ARHGEF19: variants seen among roughly 807,000 people sequenced by gnomAD.
ARHGEF19 encodes the protein Rho guanine nucleotide exchange factor 19.
ARHGEF19 carries 92 observed loss-of-function variants against 87.6 expected under a neutral mutation model. The observed-to-expected ratio is 1.05, with a 90% CI of 0.89 to 1.25. The LOEUF is 1.25. ARHGEF19 is among the 50% of genes most tolerant of loss of function. The pLI, the probability that ARHGEF19 is intolerant of heterozygous loss-of-function variation, is 0.00. For missense variants in ARHGEF19, 1,054 were observed against 1,051.8 expected, an observed-to-expected ratio of 1.00 and a Z score of -0.03; for synonymous variants, 438 against 446.2, an observed-to-expected ratio of 0.98 and a Z score of 0.23.
Position 16,205,481 on chromosome 1 carries a change from G to C in ARHGEF19, c.1582-56C>G. On this transcript the variant is annotated intron_variant, in intron 9 of 15. Coordinates refer to ENST00000270747, the MANE Select transcript of ARHGEF19 (RefSeq NM_153213.5). The surrounding 1 kb of genome is among the most constrained non-coding windows in gnomAD (Gnocchi z 5.8). ...TCCTCATACTCCCGAGACCCGGCCCGCCCACAGGTGTATCTCCCTCGCCCA... is the reference window on the plus strand; with the variant it reads ...TCCTCATACTCCCGAGACCCGGCCCCCCCACAGGTGTATCTCCCTCGCCCA... 1.2e-6 allele frequency: 2 copies of C among 1,612,326 alleles called. No homozygotes were observed. Among genetic ancestry groups the C allele is most frequent in the South Asian group, 1.1e-5 (1 of 90,996 alleles).
In ARHGEF19 at chr1:16,207,662, C is replaced by T. The variant is rs981792580; in HGVS notation, c.797+13G>A. ...ACCCTGTCTCGGACCCAAGCCCAAACGGGAGGTGGTACCTGGGCTCGGACC... is the reference window on the plus strand; with the variant it reads ...ACCCTGTCTCGGACCCAAGCCCAAATGGGAGGTGGTACCTGGGCTCGGACC... On this transcript the variant is annotated intron_variant, in intron 4 of 15. Transcript: ENST00000270747. This position sits in a 1 kb window ranked among gnomAD's most constrained non-coding sequence, Gnocchi z 4.0. 1.7e-5 allele frequency: 28 copies of T among 1,613,962 alleles called. No individual in the cohort carries two copies. The East Asian group carries it at 3.1e-4, about 18-fold the overall frequency.
In ARHGEF19 at chr1:16,207,969, C is replaced by A. The variant is rs1243752891; in HGVS notation, c.669G>T (p.Gly223=). The A allele has an allele frequency of 6.2e-7, 1 of 1,611,292 alleles. No homozygotes were observed. Among genetic ancestry groups the A allele is most frequent in the Non-Finnish European group, 8.5e-7 (1 of 1,179,630 alleles). Residue 223 remains glycine (G), a synonymous_variant, in exon 3 of 16, where the codon GGG becomes GGT. Coordinates refer to ENST00000270747, the MANE Select transcript of ARHGEF19 (RefSeq NM_153213.5). This position sits in a 1 kb window ranked among gnomAD's most constrained non-coding sequence, Gnocchi z 4.0. The stretch of plus-strand genomic sequence containing the variant: ...CTTCCCGGGCTGCTCCGGTGCCTGA[C>A]CCAGAGATGAGTGCCCGGGCTGCTG... The part of the protein sequence containing the change: ...RNSAARALIS[G]SGTGAAREGK...
Position 16,206,802 on chromosome 1 carries a change from T to G in ARHGEF19, c.1137+146A>C. On this transcript the variant is annotated intron_variant, in intron 6 of 15. Transcript: ENST00000270747. This position sits in a 1 kb window ranked among gnomAD's most constrained non-coding sequence, Gnocchi z 4.6. ...TTCCAGACGGCCTCGTGTAGTCAGG[T>G]CCTAGAGCCAACCTTCCGCGCGGAC... is the stretch of plus-strand genomic sequence containing the variant. 9.3e-7 allele frequency: 1 copy of G among 1,076,426 alleles called. No homozygotes were observed. The allele number at this position is 1,076,426 out of a possible 1,614,324, so 66.7% of individuals were successfully genotyped here.
At position 16,205,991 on chromosome 1, in the gene ARHGEF19, C is replaced by G; in HGVS notation, c.1391G>C (p.Arg464Thr). 2 of 1,610,680 alleles carry G rather than the reference C, an allele frequency of 1.2e-6. No homozygotes were observed. Among genetic ancestry groups the G allele is most frequent in the Non-Finnish European group, 1.7e-6 (2 of 1,178,578 alleles). ...VVLDHCPAFR[R>T]VYLPYVTNQA... The stretch of plus-strand genomic sequence containing the variant: ...GTTGGTGACATAGGGCAGGTAGACT[C>G]TGCGGAAGGCCGGGCAGTGGTCCAG... Residue 464 changes from arginine to threonine, a missense_variant, in exon 8 of 16, where the codon AGA (arginine) becomes ACA (threonine). Coordinates refer to ENST00000270747, the MANE Select transcript of ARHGEF19 (RefSeq NM_153213.5). This position sits in a 1 kb window ranked among gnomAD's most constrained non-coding sequence, Gnocchi z 5.8.
At position 16,207,044 on chromosome 1, in the gene ARHGEF19, C is replaced by A. The variant is rs1438970923; in HGVS notation, c.1041G>T (p.Ala347=). 6.0e-6 allele frequency: 9 copies of A among 1,509,176 alleles called. No homozygotes were observed. Among genetic ancestry groups the A allele is most frequent in the Non-Finnish European group, 8.0e-6 (9 of 1,131,706 alleles). 93.5% of individuals were successfully genotyped at this position (1,509,176 alleles called of 1,614,324 possible). A position where few individuals can be genotyped will look rare whatever the true frequency, so the allele number is the denominator to read the frequency against. Residue 347 remains alanine, a synonymous_variant, in exon 6 of 16, where the codon GCG becomes GCT. Coordinates refer to ENST00000270747, the MANE Select transcript of ARHGEF19 (RefSeq NM_153213.5). The surrounding 1 kb of genome is among the most constrained non-coding windows in gnomAD (Gnocchi z 4.0). The stretch of plus-strand genomic sequence containing the variant: ...GCCACAGCGAGAAGGTGGAGCCTCG[C>A]GCCGAGCGCTGCGCCCGGAAGGAGC... ...PSSSFRAQRS[A]RGSTFSLWQD...
In ARHGEF19 at chr1:16,208,105, A is replaced by C; in HGVS notation, c.533T>G (p.Val178Gly). ...CACTCGGGTGGACCCAGACAACTCC[A>C]CCCTGGGCTCCTCTGTGCTCAGGGC... is the stretch of plus-strand genomic sequence containing the variant. Reference protein sequence around the residue: ...EQALSTEEPRVELSGSTRVSL... With the variant: ...EQALSTEEPRGELSGSTRVSL... The change falls in exon 3 of 16, where the codon GTG (valine) becomes GGG (glycine). Residue 178 changes from valine (V) to glycine (G), a missense_variant. Val to Gly is a moderately radical substitution (Grantham distance 109, BLOSUM62 -3). Transcript: ENST00000270747. The C allele has an allele frequency of 6.2e-7, 1 of 1,613,812 alleles. No individual in the cohort carries two copies. The highest frequency in any genetic ancestry group is 8.5e-7 in the Non-Finnish European group (1 of 1,179,972).
rs765440908 is a variant in ARHGEF19 at position 16,206,155 on chromosome 1, G to A, written c.1298+25C>T. On this transcript the variant is annotated intron_variant, in intron 7 of 15. Coordinates refer to ENST00000270747, the MANE Select transcript of ARHGEF19 (RefSeq NM_153213.5). This position sits in a 1 kb window ranked among gnomAD's most constrained non-coding sequence, Gnocchi z 4.6. ...CAACCACTGGCTCCGTCCCCACCCC[G>A]GGCCAGGCCAGACCACTTCTTCACC... is the stretch of plus-strand genomic sequence containing the variant. The A allele has an allele frequency of 3.1e-6, 5 of 1,587,802 alleles. No homozygotes were observed. Among genetic ancestry groups the A allele is most frequent in the Middle Eastern group, 1.7e-4 (1 of 5,974 alleles).
At position 16,208,186 on chromosome 1, in the gene ARHGEF19, C is replaced by A; in HGVS notation, c.452G>T (p.Gly151Val). Residue 151 changes from glycine to valine, a missense_variant, in exon 3 of 16, where the codon GGC becomes GTC. Physicochemically the swap from Gly to Val is moderately radical, Grantham distance 109 (BLOSUM62 -3). Coordinates refer to ENST00000270747, the MANE Select transcript of ARHGEF19 (RefSeq NM_153213.5). ...GAAGACAGCGTGGGCCTCGGGGCAG[C>A]CGGGGACCTCTTCACGCTGGTACAC... is the stretch of plus-strand genomic sequence containing the variant. ...MRVYQREEVP[G>V]CPEAHAVFLE... is the part of the protein sequence containing the mutation. 1.2e-6 allele frequency: 2 copies of A among 1,613,312 alleles called. No homozygotes were observed. The highest frequency in any genetic ancestry group is 1.7e-6 in the Non-Finnish European group (2 of 1,179,626).
At chr1:16,200,357 C>A (rs569617829) in intron 14 of ARHGEF19, among the ~76,000 whole-genome samples, 1 of 152,374 alleles carries the variant, frequency 6.6e-6, no homozygotes, top group East Asian at 1.9e-4. Flanking sequence ...GCCCCTAGCC[C>A]TGGGCCTGGC....
In ARHGEF19 at chr1:16,206,920, G is replaced by GCCCCGCCGGGT. The variant is rs1306787701; in HGVS notation, c.1137+17_1137+27dup. 9.1e-6 allele frequency: 11 copies of GCCCCGCCGGGT among 1,210,774 alleles called. No homozygotes were observed. In the East Asian group the frequency reaches 3.2e-4, roughly 36 times the overall value. 75.0% of individuals were successfully genotyped at this position (1,210,774 alleles called of 1,614,324 possible). On this transcript the variant is annotated intron_variant, in intron 6 of 15. Transcript: ENST00000270747. This position sits in a 1 kb window ranked among gnomAD's most constrained non-coding sequence, Gnocchi z 4.6. The stretch of plus-strand genomic sequence containing the variant: ...ACCGCGTACTCCCCGGCCCGCCCCC[G>GCCCCGCCGGGT]CCCCGCCGGGTCCCCGCGCGCGCCC...
At position 16,208,001 on chromosome 1, in the gene ARHGEF19, G is replaced by A. The variant is rs1418685460; in HGVS notation, c.637C>T (p.Arg213Trp). The part of the protein sequence containing the change: ...TRLHSSLRLG[R>W]NSAARALISG... ...ATGAGTGCCCGGGCTGCTGAATTCC[G>A]CCCCAGGCGCAGAGAAGAGTGCAGC... Residue 213 changes from arginine to tryptophan, a missense_variant, in exon 3 of 16, where the codon CGG (arginine) becomes TGG (tryptophan). Coordinates refer to ENST00000270747, the MANE Select transcript of ARHGEF19 (RefSeq NM_153213.5). 3.1e-6 allele frequency: 5 copies of A among 1,612,604 alleles called. No individual in the cohort carries two copies. Among genetic ancestry groups the A allele is most frequent in the African/African-American group, 1.3e-5 (1 of 74,754 alleles).
Position 16,206,855 on chromosome 1 carries a change from T to TC in ARHGEF19, c.1137+92dup, listed in dbSNP as rs1284676946. On this transcript the variant is annotated intron_variant, in intron 6 of 15. Coordinates refer to ENST00000270747, the MANE Select transcript of ARHGEF19 (RefSeq NM_153213.5). The surrounding 1 kb of genome is among the most constrained non-coding windows in gnomAD (Gnocchi z 4.6). The stretch of plus-strand genomic sequence containing the variant: ...TCGCGCCAGCAACCCCCTTTGTGTG[T>TC]CCCCCTCCCTCTATGGCCCGGTTCC... 4 of 1,339,906 alleles carry TC rather than the reference T, an allele frequency of 3.0e-6. No homozygotes were observed. The highest frequency in any genetic ancestry group is 3.8e-6 in the Non-Finnish European group (4 of 1,042,068). The allele number at this position is 1,339,906 out of a possible 1,614,324, so 83.0% of individuals were successfully genotyped here.
chr1:16,208,980 T>C lies in ARHGEF19; in HGVS notation c.75A>G (p.Ala25=). The change falls in exon 2 of 16, where the codon GCA becomes GCG. Residue 25 remains alanine, a synonymous_variant. Transcript: ENST00000270747. ...AGGACAGACTCTCCTGCTGGCACAC[T>C]GCTACAGGGTGGTGGGCAGTGCCAG... ...GPPGTAHHPV[A]VCQQESLSFA... 1 of 1,537,932 alleles carries C rather than the reference T, an allele frequency of 6.5e-7. No individual in the cohort carries two copies. Among genetic ancestry groups the C allele is most frequent in the Non-Finnish European group, 8.7e-7 (1 of 1,143,646 alleles).
chr1:16,198,503 C>G lies in ARHGEF19; in HGVS notation c.*84G>C, dbSNP rs2100257389. On this transcript the variant is annotated 3_prime_UTR_variant, in exon 16 of 16. Coordinates refer to ENST00000270747, the MANE Select transcript of ARHGEF19 (RefSeq NM_153213.5). The surrounding 1 kb of genome is among the most constrained non-coding windows in gnomAD (Gnocchi z 4.1). ...AGAAGCGAAGTGCCAGCAGGAGCAGCTTGGGGAATGGAGACACTGCAGGCC... is the reference window on the plus strand; with the variant it reads ...AGAAGCGAAGTGCCAGCAGGAGCAGGTTGGGGAATGGAGACACTGCAGGCC... 2 of 1,445,252 alleles carry G rather than the reference C, an allele frequency of 1.4e-6. No homozygotes were observed. The highest frequency in any genetic ancestry group is 4.8e-5 in the East Asian group (2 of 41,712). 89.5% of individuals were successfully genotyped at this position (1,445,252 alleles called of 1,614,324 possible).
In ARHGEF19 at chr1:16,205,198, CA is replaced by C; in HGVS notation, c.1657-23del. 6.3e-7 allele frequency: 1 copy of C among 1,592,610 alleles called. No individual in the cohort carries two copies. The highest frequency in any genetic ancestry group is 8.6e-7 in the Non-Finnish European group (1 of 1,169,264). On this transcript the variant is annotated intron_variant, in intron 10 of 15. Transcript: ENST00000270747. The surrounding 1 kb of genome is among the most constrained non-coding windows in gnomAD (Gnocchi z 5.8). The stretch of plus-strand genomic sequence containing the variant: ...CCAGCTGGGGGAGCCGTGGGGAGGT[CA>C]CCTGCAGCCCCTCAGCTCCGGCTCC...
In ARHGEF19 at chr1:16,208,813, G is replaced by A; in HGVS notation, c.242C>T (p.Ser81Phe). ...APLQGLLWPL[S>F]PGGSDTEITS... Reference sequence around the variant, plus strand: ...GATCTCTGTATCTGAGCCTCCTGGGGATAATGGCCATAGCAACCCTTGGAG... The same window carrying A: ...GATCTCTGTATCTGAGCCTCCTGGGAATAATGGCCATAGCAACCCTTGGAG... Residue 81 changes from serine (S) to phenylalanine (F), a missense_variant, in exon 2 of 16, where the codon TCC (serine) becomes TTC (phenylalanine). Transcript: ENST00000270747. The A allele has an allele frequency of 3.1e-6, 5 of 1,613,314 alleles. No individual in the cohort carries two copies. The highest frequency in any genetic ancestry group is 4.2e-6 in the Non-Finnish European group (5 of 1,179,698).
At position 16,207,086 on chromosome 1, in the gene ARHGEF19, G is replaced by A; in HGVS notation, c.999C>T (p.Ala333=). The change falls in exon 6 of 16, where the codon GCC becomes GCT. Residue 333 remains alanine (A), a synonymous_variant. Coordinates refer to ENST00000270747, the MANE Select transcript of ARHGEF19 (RefSeq NM_153213.5). The surrounding 1 kb of genome is among the most constrained non-coding windows in gnomAD (Gnocchi z 4.0). The part of the protein sequence containing the change: ...GAEEGPGPPR[A]NLSPSSSFRA... ...GGAAGGAGCTGCTGGGGGAGAGGTT[G>A]GCCCGCGGCGGCCCCGGCCCCTCCT... 6.6e-7 allele frequency: 1 copy of A among 1,507,080 alleles called. No homozygotes were observed. The highest frequency in any genetic ancestry group is 8.8e-7 in the Non-Finnish European group (1 of 1,130,982). The allele number at this position is 1,507,080 out of a possible 1,614,324, so 93.4% of individuals were successfully genotyped here.
At chr1:16,201,450 T>C (rs1416504322) in intron 14 of ARHGEF19, among the ~76,000 whole-genome samples, 3 of 152,206 alleles carry the variant, frequency 2.0e-5, no homozygotes, top group Non-Finnish European at 4.4e-5. Context: ...GAGACAGACC[T>C]GGGCTCTGGT....
intron 12 of ARHGEF19, among the ~76,000 whole-genome samples, chr1:16,203,908 A>C (rs1454928465): frequency 1.3e-5 from 2 of 152,270 alleles, no homozygotes; most frequent in African/African-American, 4.8e-5. Flanking sequence ...TTCTGTGAGC[A>C]GAAAACAAGT....
Sources: gnomAD v4.1 joint callset for allele counts (sites outside exome capture counted in the v4.1 genomes callset) on GRCh38, gnomAD v4.1.1 for gene constraint, Gnocchi (gnomAD v3.1) non-coding constraint, MANE v1.5 for transcripts, NCBI Gene and HGNC (gene_info 2026-07-23, HGNC 2026-07-21) for gene names.